The following SGK2 variants were observed in gnomAD, a reference collection of about 807,000 sequenced individuals.
The protein encoded by SGK2 is serum/glucocorticoid regulated kinase 2, also known as serine/threonine-protein kinase Sgk2.
SGK2 carries 36 observed loss-of-function variants against 47.5 expected under a neutral mutation model. The observed-to-expected ratio is 0.76, with a 90% confidence interval of 0.58 to 1.00. SGK2 has a LOEUF of 1.00. SGK2 is among the 50% of genes least tolerant of loss of function. The pLI is 0.00. For missense variants in SGK2, 404 were observed against 467.4 expected (o/e 0.86, Z 1.25); for synonymous variants, 157 against 181.9 (o/e 0.86, Z 1.10).
intron 11 of SGK2, 126 bp from the exon 12 acceptor site, chr20:43,579,845 GA>G (rs1356484543): frequency 2.4e-5 from 17 of 723,058 alleles, no homozygotes; most frequent in Non-Finnish European, 4.3e-5. Flanking sequence ...AAACTAGCCA[GA>G]ACTGCAAGTT....
intron 1 of SGK2, among the ~76,000 whole-genome samples, chr20:43,562,404 C>T (rs1335800039): frequency 1.7e-5 from 2 of 116,054 alleles, no homozygotes; most frequent in Non-Finnish European, 3.3e-5. Context: ...GGCTGCAGAG[C>T]TAAACCATGT....
At chr20:43,569,551 G>A in intron 6 of SGK2, 35 bp downstream of exon 6, 9 of 1,606,808 alleles carry the variant, frequency 5.6e-6, no homozygotes, top group African/African-American at 1.3e-5. Context: ...CCCTGGGCTG[G>A]CTCTCGGCTG....
In SGK2 at chr20:43,580,048, T is replaced by C; in HGVS notation, c.926T>C (p.Phe309Ser). The change falls in exon 12 of 13, where the codon TTC (phenylalanine) becomes TCC (serine). Residue 309 changes from phenylalanine to serine, a missense_variant. Transcript: ENST00000373100. ...DLYHKRLTPP[F>S]NPNVTGPADL... The stretch of plus-strand genomic sequence containing the variant: ...TACCACAAGAGGCTAACTCCACCCT[T>C]CAACCCAAATGTGGTAAGAGGTCAC... 1 of 1,600,266 alleles carries C rather than the reference T, an allele frequency of 6.2e-7. No individual in the cohort carries two copies.
At position 43,563,769 on chromosome 20, in the gene SGK2, A is replaced by C. The variant is rs1163909991; in HGVS notation, c.-23-2704A>C. On this transcript the variant is annotated intron_variant, in intron 1 of 12. Transcript: ENST00000373100. ...ACATCAGGATCTTGTTTTTGAAAAT[A>C]AATGTCCTTGTTCTGGGTATGTGTT... Among the ~76,000 whole-genome samples, 5 of 152,352 alleles carry C rather than the reference A, an allele frequency of 3.3e-5. No individual in the cohort carries two copies. In the South Asian group the frequency reaches 1.0e-3, roughly 32 times the overall value.
chr20:43,581,027 C>T (rs186642780), intron 12 of SGK2, among the ~76,000 whole-genome samples: 2 of 152,100 alleles, frequency 1.3e-5, no homozygotes, highest in African/African-American at 4.8e-5. Flanking sequence ...AGGCGCCCAC[C>T]ACCATGCCCG....
At position 43,571,064 on chromosome 20, in the gene SGK2, G is replaced by GGTGGGTGTGTGT. The variant is rs796100790; in HGVS notation, c.510+7_510+8insGGTGTGTGTGTG. The GGTGGGTGTGTGT allele has an allele frequency of 6.3e-5, 99 of 1,566,074 alleles. No individual in the cohort carries two copies. The highest frequency in any genetic ancestry group is 3.2e-4 in the African/African-American group (23 of 72,330). On this transcript the variant is annotated splice_donor_region_variant and intron_variant, in intron 8 of 12. Transcript: ENST00000373100. ...GAACATTCTCTTGGACTGCCAGGTTGGTGTGTGTGTGTGTGTGTGTGTGTG... is the reference window on the plus strand; with the variant it reads ...GAACATTCTCTTGGACTGCCAGGTTGGTGGGTGTGTGTGTGTGTGTGTGTGTGTGTGTGTGTG...
chr20:43,566,822 C>A (rs1281835650), intron 2 of SGK2, among the ~76,000 whole-genome samples: 3 of 141,668 alleles, frequency 2.1e-5, no homozygotes, highest in African/African-American at 5.3e-5. Context: ...TCAATTAGCA[C>A]AACAGCCAGC....
intron 5 of SGK2, among the ~76,000 whole-genome samples, chr20:43,568,296 G>A (rs1979872499): frequency 6.6e-6 from 1 of 152,212 alleles, no homozygotes; most frequent in Non-Finnish European, 1.5e-5. Flanking sequence ...CTCCCCATCT[G>A]TATAATGTGG....
intron 6 of SGK2, 129 bp from the exon 7 acceptor site, chr20:43,570,488 C>A: frequency 3.3e-6 from 2 of 614,774 alleles, no homozygotes; most frequent in Non-Finnish European, 5.7e-6. Flanking sequence ...AGCATGCACT[C>A]TTTTGGTAGG....
chr20:43,570,711 C>T lies in SGK2; in HGVS notation c.455C>T (p.Ser152Phe). ...EVASAIGYLH[S>F]LNIIYRDLKP... ...GCCAGCGCCATTGGCTACCTGCACT[C>T]CCTCAACATCATTTACAGGTGAGGC... The change falls in exon 7 of 13, where the codon TCC becomes TTC. Residue 152 changes from serine to phenylalanine, a missense_variant. Coordinates refer to ENST00000373100, the MANE Select transcript of SGK2 (RefSeq NM_170693.3). 1.2e-6 allele frequency: 2 copies of T among 1,612,614 alleles called. No individual in the cohort carries two copies. The highest frequency in any genetic ancestry group is 1.7e-6 in the Non-Finnish European group (2 of 1,178,764).
chr20:43,569,584 C>T (rs1979973781), intron 6 of SGK2, 68 bp downstream of exon 6: 1 of 1,547,602 alleles, frequency 6.5e-7, no homozygotes, highest in Non-Finnish European at 8.8e-7. Flanking sequence ...CCCACATGCC[C>T]ACTGCATGCC....
chr20:43,584,794 G>T, intron 12 of SGK2, 58 bp from the exon 13 acceptor site: 1 of 1,449,314 alleles, frequency 6.9e-7, no homozygotes, highest in Non-Finnish European at 9.6e-7. Context: ...GAGGATCTGG[G>T]CTCCTTTGGC....
intron 12 of SGK2, among the ~76,000 whole-genome samples, chr20:43,584,527 C>A (rs1472486573): frequency 6.6e-6 from 1 of 152,148 alleles, no homozygotes; most frequent in Non-Finnish European, 1.5e-5. Flanking sequence ...CCTCCTACCC[C>A]CCACACAATG....
Position 43,580,027 on chromosome 20 carries a change from A to C in SGK2, c.905A>C (p.His302Pro). Residue 302 changes from histidine to proline, a missense_variant, in exon 12 of 13, where the codon CAC becomes CCC. Coordinates refer to ENST00000373100, the MANE Select transcript of SGK2 (RefSeq NM_170693.3). ...FSPINWDDLY[H>P]KRLTPPFNPN... ...CCCATAAACTGGGATGACCTGTACC[A>C]CAAGAGGCTAACTCCACCCTTCAAC... 6.2e-7 allele frequency: 1 copy of C among 1,609,638 alleles called. No individual in the cohort carries two copies. Among genetic ancestry groups the C allele is most frequent in the Non-Finnish European group, 8.5e-7 (1 of 1,177,872 alleles).
chr20:43,580,194 CAGTT>C (rs756635927), intron 12 of SGK2, 133 bp downstream of exon 12: 22 of 585,052 alleles, frequency 3.8e-5, no homozygotes, highest in Admixed American at 6.8e-5. Context: ...GCTACACAGT[CAGTT>C]AGAGACAGAA....
intron 7 of SGK2, 100 bp from the exon 8 acceptor site, chr20:43,570,924 T>C: frequency 6.4e-7 from 1 of 1,574,798 alleles, no homozygotes; most frequent in Non-Finnish European, 8.7e-7. Flanking sequence ...GCAACCTCCA[T>C]GAATAGTTCT....
rs528835201 is a variant in SGK2, at chr20:43,567,466, C to T, written c.87-199C>T. Among the ~76,000 whole-genome samples the T allele has an allele frequency of 2.0e-5, 3 of 152,266 alleles. No individual in the cohort carries two copies. In the South Asian group the frequency reaches 6.2e-4, roughly 32 times the overall value. On this transcript the variant is annotated intron_variant, in intron 3 of 12. Coordinates refer to ENST00000373100, the MANE Select transcript of SGK2 (RefSeq NM_170693.3). ...CTGTTGTTTAACTTGAATTTGAGTTCCCCTGGGGCCAGGGTGAATCTTACA... is the reference window on the plus strand; with the variant it reads ...CTGTTGTTTAACTTGAATTTGAGTTTCCCTGGGGCCAGGGTGAATCTTACA...
At chr20:43,577,709 T>C (rs1980551999) in intron 11 of SGK2, among the ~76,000 whole-genome samples, 1 of 149,892 alleles carries the variant, frequency 6.7e-6, no homozygotes, top group African/African-American at 2.5e-5. Context: ...AGTGGCACGA[T>C]CTCAACTCAC....
intron 2 of SGK2, 108 bp downstream of exon 2, chr20:43,566,639 G>C (rs1168928921): frequency 7.9e-6 from 6 of 759,556 alleles, no homozygotes; most frequent in Admixed American, 2.7e-5. Context: ...GTTACTGCGA[G>C]CACATAGAAA....
Sources: gnomAD v4.1 joint callset for allele counts (sites outside exome capture counted in the v4.1 genomes callset) on GRCh38, gnomAD v4.1.1 for gene constraint, MANE v1.5 for transcripts, NCBI Gene and HGNC (gene_info 2026-07-23, HGNC 2026-07-21) for gene names.